PALLD: variants seen among roughly 807,000 people sequenced by gnomAD.
PALLD encodes the protein palladin.
In PALLD, 61 loss-of-function variants were observed where a neutral mutation model predicts 123.5. The ratio of observed to expected loss-of-function variants is 0.49; its 90% CI spans 0.40 to 0.61. PALLD has a LOEUF of 0.61. Among genes scored for constraint, PALLD ranks in the 20% least tolerant of loss-of-function variants. PALLD has a pLI of 0.00. For missense variants in PALLD, 1,273 were observed against 1,377.0 expected (o/e 0.92, Z 1.20); for synonymous variants, 465 against 496.4 (o/e 0.94, Z 0.84).
chr4:168,898,500 A>G lies in PALLD; in HGVS notation c.2258A>G (p.Lys753Arg), dbSNP rs1318598425. The G allele has an allele frequency of 1.9e-6, 3 of 1,609,206 alleles. No individual in the cohort carries two copies. The highest frequency in any genetic ancestry group is 2.7e-5 in the African/African-American group (2 of 74,834). Residue 753 changes from lysine to arginine, a missense_variant, in exon 14 of 22, where the codon AAA becomes AGA. Physicochemically the swap from Lys to Arg is conservative, Grantham distance 26 (BLOSUM62 2). Coordinates refer to ENST00000505667, the MANE Select transcript of PALLD (RefSeq NM_001166108.2). ...GSPLDGQKEY[K>R]VSSCEQRLIS... ...AAACTTTCCTTGATTCAGGAATACA[A>G]AGTCTCCAGCTGTGAACAGAGACTC...
intron 2 of PALLD, among the ~76,000 whole-genome samples, chr4:168,649,228 A>G (rs959671909): frequency 2.6e-5 from 4 of 152,246 alleles, no homozygotes; most frequent in Admixed American, 6.5e-5. Flanking sequence ...AAGATGAGAT[A>G]ATCGCTGGCT....
intron 3 of PALLD, among the ~76,000 whole-genome samples, chr4:168,673,438 G>A (rs553809555): frequency 1.3e-5 from 2 of 152,376 alleles, no homozygotes; most frequent in Admixed American, 6.5e-5. Flanking sequence ...TAAGTTGCAG[G>A]AAGAAGTCCA....
intron 2 of PALLD, among the ~76,000 whole-genome samples, chr4:168,521,528 T>C (rs1763562672): frequency 6.6e-6 from 1 of 152,216 alleles, no homozygotes; most frequent in Non-Finnish European, 1.5e-5. Context: ...TAAAAGTTAC[T>C]TATTATTTTA....
intron 13 of PALLD, among the ~76,000 whole-genome samples, chr4:168,897,514 A>T (rs891517606): frequency 7.2e-5 from 11 of 152,038 alleles, no homozygotes; most frequent in Non-Finnish European, 1.6e-4. Flanking sequence ...TGGCACAATC[A>T]CGGCCCACTG....
At chr4:168,669,563 C>T (rs1779973693) in intron 3 of PALLD, among the ~76,000 whole-genome samples, 1 of 151,894 alleles carries the variant, frequency 6.6e-6, no homozygotes, top group Non-Finnish European at 1.5e-5. Context: ...GATACCACTG[C>T]CCTCCAGCCT....
At chr4:168,695,682 C>G (rs1329905658) in intron 8 of PALLD, among the ~76,000 whole-genome samples, 2 of 152,110 alleles carry the variant, frequency 1.3e-5, no homozygotes, top group Non-Finnish European at 2.9e-5. Context: ...AGAGGTGGTA[C>G]AGTGCCCAGC....
At chr4:168,623,461 G>A (rs1774950157) in intron 2 of PALLD, among the ~76,000 whole-genome samples, 1 of 152,188 alleles carries the variant, frequency 6.6e-6, no homozygotes, top group Non-Finnish European at 1.5e-5. Context: ...AAAGCACCAG[G>A]GAAAAATTAT....
intron 10 of PALLD, among the ~76,000 whole-genome samples, chr4:168,762,261 C>T (rs1733048666): frequency 6.6e-6 from 1 of 151,978 alleles, no homozygotes; most frequent in Non-Finnish European, 1.5e-5. Context: ...TGGCTTGAGT[C>T]CAGGAGTTTG....
chr4:168,753,006 A>G (rs189638306), intron 10 of PALLD, among the ~76,000 whole-genome samples: 2 of 152,300 alleles, frequency 1.3e-5, no homozygotes, highest in Non-Finnish European at 2.9e-5. Flanking sequence ...GGTGAAAAAA[A>G]GCTAAACTAT....
chr4:168,576,578 T>G (rs1189015252), intron 2 of PALLD, among the ~76,000 whole-genome samples: 1 of 152,204 alleles, frequency 6.6e-6, no homozygotes, highest in Non-Finnish European at 1.5e-5. Context: ...ATCATTTTTA[T>G]GGCTGCATAG....
chr4:168,627,427 T>C (rs1775406961), intron 2 of PALLD, among the ~76,000 whole-genome samples: 3 of 152,146 alleles, frequency 2.0e-5, no homozygotes, highest in African/African-American at 7.2e-5. Context: ...GGAGAATCAC[T>C]TGGACCTAGG....
chr4:168,680,816 C>T (rs1322797195), intron 3 of PALLD, among the ~76,000 whole-genome samples: 3 of 152,068 alleles, frequency 2.0e-5, no homozygotes, highest in Non-Finnish European at 4.4e-5. Flanking sequence ...GGTAAGTTGA[C>T]CCTTTATTTA....
intron 10 of PALLD, among the ~76,000 whole-genome samples, chr4:168,750,835 T>C (rs1201673288): frequency 6.6e-6 from 1 of 152,212 alleles, no homozygotes; most frequent in Non-Finnish European, 1.5e-5. Flanking sequence ...CTGGAATTGT[T>C]CTCCATTTTA....
intron 2 of PALLD, among the ~76,000 whole-genome samples, chr4:168,560,249 C>G (rs568197998): frequency 3.3e-5 from 5 of 152,174 alleles, no homozygotes; most frequent in African/African-American, 1.2e-4. Context: ...ACCTCTCAAA[C>G]AAGAAAACTG....
intron 10 of PALLD, among the ~76,000 whole-genome samples, chr4:168,806,713 G>A (rs955225068): frequency 3.9e-4 from 59 of 152,292 alleles, no homozygotes; most frequent in South Asian, 1.2e-3. Context: ...AACGTAGATG[G>A]TCTGCCTTCA....
At chr4:168,543,308 A>C (rs1765822130) in intron 2 of PALLD, among the ~76,000 whole-genome samples, 1 of 139,332 alleles carries the variant, frequency 7.2e-6, no homozygotes, top group East Asian at 2.4e-4. Flanking sequence ...GATAGTATAT[A>C]AATTATATTT....
At chr4:168,801,543 G>T (rs1289197660) in intron 10 of PALLD, among the ~76,000 whole-genome samples, 4 of 152,302 alleles carry the variant, frequency 2.6e-5, no homozygotes, top group Non-Finnish European at 4.4e-5. Context: ...CTCCCAAAGT[G>T]CTGGGATCAC....
chr4:168,671,808 G>A (rs753612748), intron 3 of PALLD, among the ~76,000 whole-genome samples: 2 of 152,108 alleles, frequency 1.3e-5, no homozygotes, highest in East Asian at 1.9e-4. Flanking sequence ...GCTTCCTGAA[G>A]CATGTTATTA....
At position 168,518,654 on chromosome 4, in the gene PALLD, G is replaced by T. The variant is rs115202708; in HGVS notation, c.908+6242G>T. On this transcript the variant is annotated intron_variant, in intron 2 of 21. Transcript: ENST00000505667. ...ATATCTCTATCACCTTTACAATATG[G>T]CCTCCTATAACTACTCTATGTAAAA... Among the ~76,000 whole-genome samples, 890 of 152,162 alleles carry T rather than the reference G, an allele frequency of 5.8e-3. 9 individuals carry two copies. The highest frequency in any genetic ancestry group is 0.02 in the African/African-American group (817 of 41,504).
Sources: allele counts gnomAD v4.1 joint callset (sites outside exome capture counted in the v4.1 genomes callset), GRCh38; gene constraint gnomAD v4.1.1; transcripts MANE v1.5; gene names NCBI Gene and HGNC (gene_info 2026-07-23, HGNC 2026-07-21).